The following ABR variants were observed in gnomAD, a reference collection of about 807,000 sequenced individuals.
ABR encodes the protein ABR activator of RhoGEF and GTPase, also known as active breakpoint cluster region-related protein.
ABR carries 35 observed loss-of-function variants against 107.2 expected under a neutral mutation model. That is an observed-to-expected ratio of 0.33 (90% CI 0.25 to 0.43). The LOEUF (loss-of-function observed/expected upper bound fraction) is 0.43, where lower values mean the gene tolerates loss of function less well. Among genes scored for constraint, ABR ranks in the 20% least tolerant of loss-of-function variants. The pLI is 1.00. For missense variants in ABR, 815 were observed against 1,115.2 expected (o/e 0.73, Z 3.83); for synonymous variants, 498 against 462.0 (o/e 1.08, Z -1.00).
chr17:1,125,381 C>A lies in ABR; in HGVS notation c.62-14G>T, dbSNP rs959476907. 1 of 1,611,398 alleles carries A rather than the reference C, an allele frequency of 6.2e-7. No homozygotes were observed. Among genetic ancestry groups the A allele is most frequent in the Admixed American group, 1.7e-5 (1 of 60,006 alleles). ...CGTAGCTGAAGTCTGAGACAAGGAA[C>A]AAGAAAGGCCACTGAGAATCCTCCA... is the stretch of plus-strand genomic sequence containing the variant. On this transcript the variant is annotated splice_polypyrimidine_tract_variant and intron_variant, in intron 1 of 22. Coordinates refer to ENST00000302538, the MANE Select transcript of ABR (RefSeq NM_021962.5).
At chr17:1,097,977 AAG>A (rs1331025690) in intron 3 of ABR, among the ~76,000 whole-genome samples, 2 of 152,178 alleles carry the variant, frequency 1.3e-5, no homozygotes, top group Non-Finnish European at 2.9e-5. Flanking sequence ...ACCCCATGGA[AAG>A]AGAGAGAAAG....
chr17:1,056,182 G>A (rs762767420), intron 13 of ABR, 73 bp from the exon 14 acceptor site: 16 of 1,323,752 alleles, frequency 1.2e-5, no homozygotes, highest in Non-Finnish European at 1.6e-5. Flanking sequence ...AGGCCGGCGG[G>A]AGGCAGACGG....
chr17:1,205,062 C>T lies in ABR; in HGVS notation c.838+23731G>A, dbSNP rs904695135. Among the ~76,000 whole-genome samples the T allele has an allele frequency of 5.3e-5, 8 of 151,814 alleles. No individual in the cohort carries two copies. In the South Asian group the frequency reaches 1.0e-3, roughly 20 times the overall value. On this transcript the variant is annotated intron_variant, in intron 1 of 22. Coordinates refer to the ABR transcript ENST00000574139. Reference sequence around the variant, plus strand: ...GGGATAACGGGTGCACCACCACGCCCGGCTAATTTTTGTATTTTTAGTAGA... The same window carrying T: ...GGGATAACGGGTGCACCACCACGCCTGGCTAATTTTTGTATTTTTAGTAGA...
At chr17:1,022,120 A>AAAAAAAAC (rs56033950) in intron 16 of ABR, among the ~76,000 whole-genome samples, 4 of 118,394 alleles carry the variant, frequency 3.4e-5, no homozygotes, top group Non-Finnish European at 6.6e-5. Flanking sequence ...AAAAAAAAAA[A>AAAAAAAAC]AAAAACAGAA....
upstream of ABR, among the ~76,000 whole-genome samples, chr17:1,187,826 G>A (rs540694744): frequency 1.1e-4 from 16 of 151,930 alleles, no homozygotes; most frequent in Admixed American, 3.3e-4. Context: ...CCTGGGTGGC[G>A]GAGGTTGCAG....
At chr17:1,106,504 T>C (rs2038256313) in intron 2 of ABR, among the ~76,000 whole-genome samples, 1 of 151,200 alleles carries the variant, frequency 6.6e-6, no homozygotes, top group Non-Finnish European at 1.5e-5. Flanking sequence ...TTGGTGCCCT[T>C]TTATCAGTAC....
intron 2 of ABR, chr17:1,100,993 T>G (rs1368942329): frequency 2.0e-6 from 1 of 512,478 alleles, no homozygotes; most frequent in Non-Finnish European, 3.5e-6. Context: ...CCAGATAATT[T>G]TTGTATTTTT....
At chr17:1,152,432 A>T (rs1174920557) in intron 1 of ABR, among the ~76,000 whole-genome samples, 1 of 150,622 alleles carries the variant, frequency 6.6e-6, no homozygotes, top group Non-Finnish European at 1.5e-5. Context: ...TCTACTAAAA[A>T]TACAAAAAAT....
chr17:1,203,112 C>A (rs1223292519), intron 1 of ABR, among the ~76,000 whole-genome samples: 1 of 152,100 alleles, frequency 6.6e-6, no homozygotes, highest in African/African-American at 2.4e-5. Flanking sequence ...TCTCGAACTC[C>A]CGACCTCAGG....
chr17:1,108,676 C>A (rs556775309), intron 2 of ABR, among the ~76,000 whole-genome samples: 4 of 152,252 alleles, frequency 2.6e-5, no homozygotes, highest in Non-Finnish European at 5.9e-5. Flanking sequence ...CTGACAGGCG[C>A]GCCAGGTGAC....
upstream of ABR, among the ~76,000 whole-genome samples, chr17:1,189,441 C>T (rs928974885): frequency 1.4e-4 from 21 of 151,556 alleles, no homozygotes; most frequent in African/African-American, 4.9e-4. Context: ...CCTCCGCCTC[C>T]GAGTTCAAGT....
intron 16 of ABR, among the ~76,000 whole-genome samples, chr17:1,034,277 T>C (rs2073010663): frequency 6.6e-6 from 1 of 152,086 alleles, no homozygotes; most frequent in Non-Finnish European, 1.5e-5. Context: ...CTAGAGGTAG[T>C]GACTGAGGGC....
chr17:1,030,439 A>G (rs2072635615), intron 16 of ABR, among the ~76,000 whole-genome samples: 1 of 152,196 alleles, frequency 6.6e-6, no homozygotes, highest in African/African-American at 2.4e-5. Context: ...GGGCACAGAC[A>G]GCTGCCTCAG....
In ABR at chr17:1,150,592, C is replaced by T. The variant is rs1032320974; in HGVS notation, c.62-25225G>A. Among the ~76,000 whole-genome samples the T allele has an allele frequency of 9.2e-5, 14 of 152,190 alleles. 1 individual carries two copies. Among genetic ancestry groups the T allele is most frequent in the African/African-American group, 2.7e-4 (11 of 41,446 alleles). ...GCACTGCCCCCTCTCACTCCTCCGG[C>T]GGCCGCCGTCCACTCCCAGTCCTAG... is the stretch of plus-strand genomic sequence containing the variant. On this transcript the variant is annotated intron_variant, in intron 1 of 22. Coordinates refer to ENST00000302538, the MANE Select transcript of ABR (RefSeq NM_021962.5). This position sits in a 1 kb window ranked among gnomAD's most constrained non-coding sequence, Gnocchi z 4.8.
At chr17:1,108,275 G>A (rs2038395133) in intron 2 of ABR, among the ~76,000 whole-genome samples, 1 of 152,240 alleles carries the variant, frequency 6.6e-6, no homozygotes, top group Non-Finnish European at 1.5e-5. Flanking sequence ...GCTCCTCAAG[G>A]GATTCTGGCC....
At position 1,010,597 on chromosome 17, in the gene ABR, C is replaced by T; in HGVS notation, c.2236+132G>A. On this transcript the variant is annotated intron_variant, in intron 20 of 22. Coordinates refer to ENST00000302538, the MANE Select transcript of ABR (RefSeq NM_021962.5). This position sits in a 1 kb window ranked among gnomAD's most constrained non-coding sequence, Gnocchi z 4.1. ...ACCTCACCCTCGGACCCCTCAGCCA[C>T]AGGCCCCAGTGCACTGGGAAGGTCA... 1.6e-6 allele frequency: 2 copies of T among 1,285,418 alleles called. No individual in the cohort carries two copies. The highest frequency in any genetic ancestry group is 1.1e-6 in the Non-Finnish European group (1 of 938,832). The allele number at this position is 1,285,418 out of a possible 1,614,324, so 79.6% of individuals were successfully genotyped here.
chr17:1,113,278 A>G (rs2440745), intron 2 of ABR, among the ~76,000 whole-genome samples: 2,335 of 104,010 alleles, frequency 0.022, 203 homozygotes, highest in Middle Eastern at 0.053. Flanking sequence ...ACCTATTGCG[A>G]TTTTTTTTTT....
intron 4 of ABR, among the ~76,000 whole-genome samples, chr17:1,090,958 G>A (rs1331546645): frequency 2.6e-5 from 4 of 152,194 alleles, no homozygotes; most frequent in Admixed American, 2.6e-4. Flanking sequence ...GCAGAGCTGG[G>A]GGAGAGGGTG....
At chr17:1,125,552 A>C in intron 1 of ABR, 185 bp from the exon 2 acceptor site, 1 of 444,682 alleles carries the variant, frequency 2.2e-6, no homozygotes, top group South Asian at 5.8e-5. Flanking sequence ...GCCAGCAGGC[A>C]CCGGGCCCTG....
Sources: gnomAD v4.1 joint callset for allele counts (sites outside exome capture counted in the v4.1 genomes callset) on GRCh38, gnomAD v4.1.1 for gene constraint, Gnocchi (gnomAD v3.1) non-coding constraint, MANE v1.5 for transcripts, NCBI Gene and HGNC (gene_info 2026-07-23, HGNC 2026-07-21) for gene names.